The following TCEANC2 variants were observed in gnomAD, a reference collection of about 807,000 sequenced individuals.
TCEANC2 encodes the protein transcription elongation factor A N-terminal and central domain containing 2, also known as transcription elongation factor A N-terminal and central domain-containing protein 2.
A neutral mutation model predicts 22.8 loss-of-function variants in TCEANC2; 20 were observed. The observed-to-expected ratio is 0.88, with a 90% confidence interval of 0.62 to 1.28. The LOEUF is 1.28. Among genes scored for constraint, TCEANC2 ranks in the 50% most tolerant of loss-of-function variants. The pLI is 0.00. For missense variants in TCEANC2, 251 were observed against 249.7 expected (o/e 1.01, Z -0.03); for synonymous variants, 84 against 95.5 (o/e 0.88, Z 0.70).
intron 3 of TCEANC2, among the ~76,000 whole-genome samples, chr1:54,086,331 T>C (rs943569619): frequency 2.6e-5 from 4 of 152,170 alleles, no homozygotes; most frequent in Non-Finnish European, 5.9e-5. Flanking sequence ...CAACTAACTC[T>C]AGTAATTACC....
intron 2 of TCEANC2, among the ~76,000 whole-genome samples, chr1:54,060,525 T>C (rs1657832651): frequency 6.6e-6 from 1 of 151,930 alleles, no homozygotes; most frequent in African/African-American, 2.4e-5. Flanking sequence ...GCTATGATCA[T>C]ACCACTGTAC....
At chr1:54,111,097 AC>A (rs1322075689) in exon 5 of TCEANC2, 1 of 151,938 alleles carries the variant, frequency 6.6e-6, no homozygotes, top group Non-Finnish European at 1.5e-5. Flanking sequence ...CCTTCACTGG[AC>A]CTCCAGTCCT....
intron 4 of TCEANC2, among the ~76,000 whole-genome samples, chr1:54,089,307 C>T (rs907203301): frequency 1.3e-5 from 2 of 152,124 alleles, no homozygotes; most frequent in African/African-American, 4.8e-5. Flanking sequence ...TATGGAATAT[C>T]AATGGTAAAA....
chr1:54,095,806 G>GT (rs931998023), intron 4 of TCEANC2, among the ~76,000 whole-genome samples: 2 of 152,016 alleles, frequency 1.3e-5, no homozygotes, highest in African/African-American at 4.8e-5. Flanking sequence ...TTCCTTATCT[G>GT]TAAAATGTGA....
chr1:54,106,650 A>G (rs1400974409), downstream of TCEANC2, among the ~76,000 whole-genome samples: 3 of 152,196 alleles, frequency 2.0e-5, no homozygotes, highest in Admixed American at 6.5e-5. Flanking sequence ...ACATGGGAAC[A>G]TCACTGAGAC....
intron 2 of TCEANC2, among the ~76,000 whole-genome samples, chr1:54,062,047 C>T (rs928198261): frequency 6.6e-6 from 1 of 152,160 alleles, no homozygotes; most frequent in African/African-American, 2.4e-5. Context: ...CTTTTAGGTT[C>T]ATCACTTCAG....
Position 54,091,097 on chromosome 1 carries a change from C to A in TCEANC2, c.438+2307C>A, listed in dbSNP as rs1658438471. Among the ~76,000 whole-genome samples the A allele has an allele frequency of 2.0e-5, 3 of 151,390 alleles. No homozygotes were observed. In the South Asian group the frequency reaches 6.3e-4, roughly 32 times the overall value. On this transcript the variant is annotated intron_variant, in intron 4 of 4. Coordinates refer to ENST00000234827, the MANE Select transcript of TCEANC2 (RefSeq NM_153035.3). ...TAAGCATAGCTGAATGGTTTTGTTC[C>A]CAAAGAGTAAATTTAAAAAATTAAA... is the stretch of plus-strand genomic sequence containing the variant.
chr1:54,069,799 A>G (rs1658024196), intron 3 of TCEANC2, among the ~76,000 whole-genome samples: 1 of 152,202 alleles, frequency 6.6e-6, no homozygotes, highest in Non-Finnish European at 1.5e-5. Context: ...TTACATCTTG[A>G]TATTATAGCA....
chr1:54,059,710 C>G (rs1187298182), intron 2 of TCEANC2, among the ~76,000 whole-genome samples: 1 of 152,186 alleles, frequency 6.6e-6, no homozygotes, highest in Non-Finnish European at 1.5e-5. Context: ...AGACCCGGGA[C>G]TGTAATATCT....
At chr1:54,083,262 T>G (rs1040472241) in intron 3 of TCEANC2, among the ~76,000 whole-genome samples, 1 of 152,022 alleles carries the variant, frequency 6.6e-6, no homozygotes, top group Admixed American at 6.5e-5. Flanking sequence ...TAGTTGGGAG[T>G]CATCTGCCTG....
downstream of TCEANC2, among the ~76,000 whole-genome samples, chr1:54,107,835 G>A (rs541815771): frequency 2.0e-5 from 3 of 152,222 alleles, no homozygotes; most frequent in South Asian, 2.1e-4. Context: ...AATCATTAGC[G>A]TATTGCTATT....
At chr1:54,054,630 C>T (rs1657709814) in intron 2 of TCEANC2, 106 bp downstream of exon 2, 2 of 1,159,180 alleles carry the variant, frequency 1.7e-6, no homozygotes, top group South Asian at 3.3e-5. Flanking sequence ...TGTTATGCCT[C>T]CTCCTCAAAG....
At chr1:54,054,123 C>T (rs1657688556) in intron 1 of TCEANC2, 1 of 650,198 alleles carries the variant, frequency 1.5e-6, no homozygotes, top group African/African-American at 1.9e-5. Context: ...CCAATTCCCC[C>T]AATGTTGGAA....
chr1:54,076,512 G>C (rs137942218), intron 3 of TCEANC2, among the ~76,000 whole-genome samples: 2 of 152,112 alleles, frequency 1.3e-5, no homozygotes, highest in African/African-American at 4.8e-5. Context: ...TCATTGATGG[G>C]CATTTCAATT....
At chr1:54,087,155 A>G (rs893635012) in intron 3 of TCEANC2, among the ~76,000 whole-genome samples, 1 of 152,206 alleles carries the variant, frequency 6.6e-6, no homozygotes, top group African/African-American at 2.4e-5. Flanking sequence ...ATAAAAAATT[A>G]AAAAATATAT....
At chr1:54,112,006 T>C (rs1658847774) in exon 5 of TCEANC2, 1 of 152,224 alleles carries the variant, frequency 6.6e-6, no homozygotes, top group African/African-American at 2.4e-5. Context: ...TGAAGGAGCA[T>C]TTAACTTTTG....
rs1170566448 is a variant in TCEANC2 at position 54,096,331 on chromosome 1, T to C, written c.485T>C (p.Leu162Pro). 1.2e-6 allele frequency: 2 copies of C among 1,606,056 alleles called. No homozygotes were observed. Among genetic ancestry groups the C allele is most frequent in the African/African-American group, 2.7e-5 (2 of 74,950 alleles). ...AATATTGAACGGGAAACGTTTCATC[T>C]CTGCTCCCGCCTCATTAATGGGCCG... ...VENIERETFH[L>P]CSRLINGPYR... The change falls in exon 5 of 5, where the codon CTC (leucine) becomes CCC (proline). Residue 162 changes from leucine (L) to proline (P), a missense_variant. Physicochemically the swap from Leu to Pro is moderately conservative, Grantham distance 98. Transcript: ENST00000234827. The surrounding 1 kb of genome is among the most constrained non-coding windows in gnomAD (Gnocchi z 4.9).
intron 2 of TCEANC2, among the ~76,000 whole-genome samples, chr1:54,060,409 A>G (rs1657830994): frequency 6.6e-6 from 1 of 151,880 alleles, no homozygotes; most frequent in African/African-American, 2.4e-5. Flanking sequence ...CATCTCAAAA[A>G]AAAAAAAAAA....
At chr1:54,076,251 C>T (rs1386864264) in intron 3 of TCEANC2, among the ~76,000 whole-genome samples, 1 of 152,096 alleles carries the variant, frequency 6.6e-6, no homozygotes, top group Non-Finnish European at 1.5e-5. Flanking sequence ...ACCCTTCTTC[C>T]ACCCTCCACC....
Sources: gnomAD v4.1 joint callset for allele counts (sites outside exome capture counted in the v4.1 genomes callset) on GRCh38, gnomAD v4.1.1 for gene constraint, Gnocchi (gnomAD v3.1) non-coding constraint, MANE v1.5 for transcripts, NCBI Gene and HGNC (gene_info 2026-07-23, HGNC 2026-07-21) for gene names.